The following ETS1 variants were observed in gnomAD, a reference collection of about 807,000 sequenced individuals.
ETS1 encodes the protein ETS proto-oncogene 1, transcription factor, also known as protein C-ets-1.
In ETS1, 15 loss-of-function variants were observed where a neutral mutation model predicts 58.6. The ratio of observed to expected loss-of-function variants is 0.26; its 90% confidence interval spans 0.17 to 0.39. The LOEUF is 0.39. Ranked by LOEUF, ETS1 falls within the 10% of genes least tolerant of loss-of-function variation. ETS1 has a pLI of 1.00. For synonymous variants in ETS1, 214 were observed against 218.2 expected (o/e 0.98, Z 0.17); for missense variants, 417 against 610.5 (o/e 0.68, Z 3.34).
chr11:128,474,064 T>A (rs1484773849), intron 8 of ETS1, among the ~76,000 whole-genome samples: 1 of 152,204 alleles, frequency 6.6e-6, no homozygotes, highest in Non-Finnish European at 1.5e-5. Context: ...TGAGACTTTA[T>A]TAAAGAAACA....
chr11:128,481,155 CT>C (rs34422289), intron 7 of ETS1, among the ~76,000 whole-genome samples: 86,254 of 152,008 alleles, frequency 0.57, 25,256 homozygotes, highest in African/African-American at 0.71. Flanking sequence ...AAACCATATT[CT>C]TTATCCTCTC....
chr11:128,481,044 A>C (rs1862471856), intron 7 of ETS1, among the ~76,000 whole-genome samples: 1 of 152,238 alleles, frequency 6.6e-6, no homozygotes, highest in Admixed American at 6.5e-5. Flanking sequence ...TATGAAATAC[A>C]TGTACTGACC....
At chr11:128,526,985 C>T (rs1338131731) in intron 3 of ETS1, 1 of 455,774 alleles carries the variant, frequency 2.2e-6, no homozygotes, top group African/African-American at 2.0e-5. Flanking sequence ...GCCCTGATAG[C>T]AGTTCTCTCC....
At chr11:128,543,907 T>A (rs11221341) in intron 3 of ETS1, among the ~76,000 whole-genome samples, 279 of 152,340 alleles carry the variant, frequency 1.8e-3, no homozygotes, top group Middle Eastern at 0.014. Context: ...CTCATTGTGT[T>A]CTTAGTCTTC....
intron 3 of ETS1, among the ~76,000 whole-genome samples, chr11:128,547,207 C>T (rs981765758): frequency 9.2e-5 from 14 of 152,206 alleles, no homozygotes; most frequent in Admixed American, 7.2e-4. Context: ...ACAAAATGTG[C>T]ACTGCGTACT....
Position 128,571,491 on chromosome 11 carries a change from A to G in ETS1, c.69+1571T>C, listed in dbSNP as rs867678040. On this transcript the variant is annotated intron_variant, in intron 2 of 9. Transcript: ENST00000392668. ...CTCCGTCCAGCCTGGGCGACAGAGC[A>G]AGACTCCGTCAAAAAAAAAAAAAAA... Among the ~76,000 whole-genome samples, 910 of 104,228 alleles carry G rather than the reference A, an allele frequency of 8.7e-3. 105 individuals are homozygous for G. Among genetic ancestry groups the G allele is most frequent in the African/African-American group, 0.033 (771 of 23,320 alleles). The allele number at this position is 104,228 out of a possible 152,430, so 68.4% of individuals were successfully genotyped here. A position where few individuals can be genotyped will look rare whatever the true frequency, so the allele number is the denominator to read the frequency against.
At chr11:128,525,772 G>C (rs982915581) in intron 3 of ETS1, among the ~76,000 whole-genome samples, 3 of 152,124 alleles carry the variant, frequency 2.0e-5, no homozygotes, top group African/African-American at 7.2e-5. Flanking sequence ...GTTTCTATGT[G>C]AGAAGTTTAG....
chr11:128,475,343 G>C (rs1459130418), intron 8 of ETS1, among the ~76,000 whole-genome samples: 1 of 152,152 alleles, frequency 6.6e-6, no homozygotes, highest in Non-Finnish European at 1.5e-5. Context: ...CAGTAAAGTT[G>C]TTTATTTTCA....
At chr11:128,586,324 C>T (rs541208159) in intron 1 of ETS1, among the ~76,000 whole-genome samples, 1 of 152,292 alleles carries the variant, frequency 6.6e-6, no homozygotes, top group East Asian at 1.9e-4. Flanking sequence ...ATTAGCTCTC[C>T]CTTCCCTCCA....
intron 3 of ETS1, among the ~76,000 whole-genome samples, chr11:128,551,460 C>G (rs1864228353): frequency 1.3e-5 from 2 of 152,224 alleles, no homozygotes; most frequent in South Asian, 4.1e-4. Context: ...TTGGGAAAGA[C>G]ATTCTTTAGT....
intron 2 of ETS1, among the ~76,000 whole-genome samples, chr11:128,561,104 T>C (rs1864398625): frequency 1.3e-5 from 2 of 152,044 alleles, no homozygotes; most frequent in African/African-American, 2.4e-5. Context: ...GAGGAAAAGG[T>C]ATGCCCTTGG....
At chr11:128,506,534 C>G (rs1326972931) in intron 3 of ETS1, among the ~76,000 whole-genome samples, 1 of 152,016 alleles carries the variant, frequency 6.6e-6, no homozygotes, top group Non-Finnish European at 1.5e-5. Flanking sequence ...TCCAGAAGCA[C>G]TAGGGGAGGG....
At chr11:128,575,455 C>T (rs7943810) in intron 1 of ETS1, among the ~76,000 whole-genome samples, 12 of 152,198 alleles carry the variant, frequency 7.9e-5, no homozygotes, top group African/African-American at 2.7e-4. Context: ...ATGTAATAGG[C>T]GTCCTTTGTT....
At chr11:128,516,348 C>T (rs904606402) in intron 3 of ETS1, among the ~76,000 whole-genome samples, 1 of 152,144 alleles carries the variant, frequency 6.6e-6, no homozygotes, top group Non-Finnish European at 1.5e-5. Flanking sequence ...CAGCTGTGAG[C>T]GAAGGGTAGA....
chr11:128,524,328 A>T (rs974306798), intron 3 of ETS1, among the ~76,000 whole-genome samples: 3 of 152,230 alleles, frequency 2.0e-5, no homozygotes, highest in Admixed American at 2.0e-4. Flanking sequence ...AAGCACAGAA[A>T]CAAAATGAGT....
At chr11:128,510,697 T>C (rs958212506) in intron 3 of ETS1, among the ~76,000 whole-genome samples, 5 of 152,216 alleles carry the variant, frequency 3.3e-5, no homozygotes, top group African/African-American at 1.2e-4. Context: ...TCATGCTTGC[T>C]ATAATCAGGT....
intron 8 of ETS1, among the ~76,000 whole-genome samples, chr11:128,478,348 AGGAG>A (rs1862382464): frequency 1.6e-5 from 1 of 62,092 alleles, no homozygotes; most frequent in Admixed American, 1.6e-4. Flanking sequence ...GGAGGAAGGA[AGGAG>A]GAAGGAAGGA....
At chr11:128,529,388 A>G (rs1863859136) in intron 3 of ETS1, among the ~76,000 whole-genome samples, 1 of 152,208 alleles carries the variant, frequency 6.6e-6, no homozygotes, top group Non-Finnish European at 1.5e-5. Flanking sequence ...TGAAAAGGAC[A>G]GGGAGGATCA....
chr11:128,504,593 C>G (rs1403431279), intron 3 of ETS1, among the ~76,000 whole-genome samples: 1 of 152,200 alleles, frequency 6.6e-6, no homozygotes, highest in Admixed American at 6.5e-5. Context: ...TCATCTAGTT[C>G]AAACCTTTTC....
Sources: gnomAD v4.1 joint callset for allele counts (sites outside exome capture counted in the v4.1 genomes callset) on GRCh38, gnomAD v4.1.1 for gene constraint, MANE v1.5 for transcripts, NCBI Gene and HGNC (gene_info 2026-07-23, HGNC 2026-07-21) for gene names.